C1orf21: variants seen among roughly 807,000 people sequenced by gnomAD.
C1orf21 encodes the protein uncharacterized protein C1orf21.
A neutral mutation model predicts 18.7 loss-of-function variants in C1orf21; 3 were observed. The ratio of observed to expected loss-of-function variants is 0.16; its 90% CI spans 0.07 to 0.42. The LOEUF is 0.42. C1orf21 is among the 10% of genes least tolerant of loss of function. C1orf21 has a pLI of 0.99. For synonymous variants in C1orf21, 41 were observed against 46.4 expected (o/e 0.88, Z 0.47); for missense variants, 104 against 143.6 (o/e 0.72, Z 1.41).
At chr1:184,394,261 T>G (rs1395071768) in intron 1 of C1orf21, among the ~76,000 whole-genome samples, 6 of 152,222 alleles carry the variant, frequency 3.9e-5, no homozygotes. Flanking sequence ...TTCCTTTTCT[T>G]GGATGGATCT....
At chr1:184,465,908 C>T (rs1001702227) in intron 1 of C1orf21, among the ~76,000 whole-genome samples, 3 of 152,146 alleles carry the variant, frequency 2.0e-5, no homozygotes, top group Non-Finnish European at 2.9e-5. Flanking sequence ...GTTAACACCA[C>T]GAGGCGCTGG....
At chr1:184,430,402 C>T (rs1276887105) in intron 1 of C1orf21, among the ~76,000 whole-genome samples, 1 of 152,124 alleles carries the variant, frequency 6.6e-6, no homozygotes, top group South Asian at 2.1e-4. Flanking sequence ...ATTTGTAAGG[C>T]TTTGATTAAT....
intron 3 of C1orf21, among the ~76,000 whole-genome samples, chr1:184,585,717 G>A (rs10911617): frequency 2.0e-5 from 3 of 152,276 alleles, no homozygotes; most frequent in East Asian, 1.9e-4. Flanking sequence ...GGGAACATGC[G>A]ATATTTGGTT....
chr1:184,557,691 A>T (rs1361317430), intron 3 of C1orf21, among the ~76,000 whole-genome samples: 1 of 152,140 alleles, frequency 6.6e-6, no homozygotes, highest in African/African-American at 2.4e-5. Flanking sequence ...TGCAATTGCT[A>T]ATTGTGTGAG....
At chr1:184,415,562 A>G (rs1557966495) in intron 1 of C1orf21, among the ~76,000 whole-genome samples, 1 of 152,214 alleles carries the variant, frequency 6.6e-6, no homozygotes, top group Non-Finnish European at 1.5e-5. Context: ...GAGGTGACCT[A>G]TTAATGAGTC....
chr1:184,484,258 C>A (rs898718546), intron 2 of C1orf21, among the ~76,000 whole-genome samples: 17 of 152,142 alleles, frequency 1.1e-4, no homozygotes, highest in Admixed American at 1.1e-3. Context: ...CTTCAGTCAA[C>A]TGAGCAAGGC....
At position 184,539,279 on chromosome 1, in the gene C1orf21, A is replaced by G. The variant is rs144420111; in HGVS notation, c.189+31597A>G. Among the ~76,000 whole-genome samples the G allele has an allele frequency of 7.8e-3, 1,180 of 152,228 alleles. 9 individuals carry two copies. Among genetic ancestry groups the G allele is most frequent in the Middle Eastern group, 0.017 (5 of 294 alleles). On this transcript the variant is annotated intron_variant, in intron 3 of 5. Coordinates refer to ENST00000235307, the MANE Select transcript of C1orf21 (RefSeq NM_030806.4). ...ATGTTTTTTTCCCTTTATTCTGTAA[A>G]TGTGGTATATTACATTGATTGATTT...
chr1:184,541,730 C>G (rs4651219), intron 3 of C1orf21, among the ~76,000 whole-genome samples: 80,869 of 152,100 alleles, frequency 0.53, 22,015 homozygotes, highest in African/African-American at 0.67. Flanking sequence ...GGACCTGGCA[C>G]TCCAGAGGGA....
At chr1:184,444,264 G>A (rs1025252191) in intron 1 of C1orf21, among the ~76,000 whole-genome samples, 1 of 152,150 alleles carries the variant, frequency 6.6e-6, no homozygotes, top group Non-Finnish European at 1.5e-5. Context: ...TGGTTTAGCT[G>A]TGTCCCCACC....
chr1:184,577,954 T>G (rs985035375), intron 3 of C1orf21, among the ~76,000 whole-genome samples: 38 of 70,452 alleles, frequency 5.4e-4, no homozygotes, highest in African/African-American at 1.9e-3. Context: ...TTTGTTTTTG[T>G]TTTTTTTTTT....
chr1:184,471,886 TGTTGG>T (rs762513785), intron 1 of C1orf21, among the ~76,000 whole-genome samples: 3 of 152,148 alleles, frequency 2.0e-5, no homozygotes, highest in Non-Finnish European at 4.4e-5. Flanking sequence ...TGCCAGCGAT[TGTTGG>T]GTAATGAAAG....
intron 5 of C1orf21, among the ~76,000 whole-genome samples, chr1:184,610,836 G>C: frequency 7.0e-6 from 1 of 143,534 alleles, no homozygotes; most frequent in East Asian, 2.0e-4. Context: ...AACAGAGCGA[G>C]ACTCTGACTC....
intron 1 of C1orf21, among the ~76,000 whole-genome samples, chr1:184,429,222 G>A (rs912309690): frequency 2.6e-5 from 4 of 152,120 alleles, no homozygotes; most frequent in South Asian, 2.1e-4. Flanking sequence ...ACCTCAGCAC[G>A]TTGCTAGCAT....
chr1:184,431,308 A>G (rs1165545757), intron 1 of C1orf21, among the ~76,000 whole-genome samples: 1 of 152,248 alleles, frequency 6.6e-6, no homozygotes, highest in East Asian at 1.9e-4. Context: ...CCTCAGAAAT[A>G]ACGCCACACA....
intron 1 of C1orf21, among the ~76,000 whole-genome samples, chr1:184,406,063 T>C (rs756145989): frequency 6.6e-6 from 1 of 152,226 alleles, no homozygotes; most frequent in Non-Finnish European, 1.5e-5. Flanking sequence ...AAATACTTTC[T>C]CTTAGTATTA....
At chr1:184,543,362 T>G (rs1441762499) in intron 3 of C1orf21, among the ~76,000 whole-genome samples, 3 of 152,084 alleles carry the variant, frequency 2.0e-5, no homozygotes, top group Non-Finnish European at 4.4e-5. Context: ...AAAAAAATCT[T>G]TCTCTGACCA....
intron 2 of C1orf21, among the ~76,000 whole-genome samples, chr1:184,487,154 A>C (rs977370530): frequency 2.6e-5 from 4 of 152,090 alleles, no homozygotes; most frequent in Non-Finnish European, 5.9e-5. Flanking sequence ...CTACAGATTC[A>C]GACATTCAAA....
At chr1:184,560,534 T>C (rs1401019245) in intron 3 of C1orf21, among the ~76,000 whole-genome samples, 1 of 152,194 alleles carries the variant, frequency 6.6e-6, no homozygotes, top group Admixed American at 6.5e-5. Context: ...TCATTTCAAA[T>C]ATTACAATAT....
chr1:184,411,015 A>G (rs552671194), intron 1 of C1orf21, among the ~76,000 whole-genome samples: 40 of 152,134 alleles, frequency 2.6e-4, no homozygotes, highest in African/African-American at 8.4e-4. Flanking sequence ...AGGAAATTCT[A>G]AAATCCTGCA....
Sources: gnomAD v4.1 joint callset for allele counts (sites outside exome capture counted in the v4.1 genomes callset) on GRCh38, gnomAD v4.1.1 for gene constraint, MANE v1.5 for transcripts, NCBI Gene and HGNC (gene_info 2026-07-23, HGNC 2026-07-21) for gene names.